Variants in ZNF337 observed in about 807,000 individuals in gnomAD.
ZNF337 encodes the protein zinc finger protein 337.
ZNF337 carries 8 observed loss-of-function variants against 12.1 expected under a neutral mutation model. That is an observed-to-expected ratio of 0.66 (90% CI 0.39 to 1.19). The LOEUF (loss-of-function observed/expected upper bound fraction) is 1.19, where lower values mean the gene tolerates loss of function less well. Ranked by LOEUF, ZNF337 falls within the 50% of genes most tolerant of loss-of-function variation. The pLI, the probability that ZNF337 is intolerant of heterozygous loss-of-function variation, is 0.01. For missense variants in ZNF337, 882 were observed against 896.6 expected (o/e 0.98, Z 0.21); for synonymous variants, 336 against 320.0 (o/e 1.05, Z -0.53).
At chr20:25,687,948 T>C (rs1346247554) in intron 1 of ZNF337, among the ~76,000 whole-genome samples, 2 of 152,224 alleles carry the variant, frequency 1.3e-5, no homozygotes, top group African/African-American at 4.8e-5. Flanking sequence ...TGTCCTCAAC[T>C]GTGGCAAAAT....
At chr20:25,689,365 G>T (rs558421265) in intron 1 of ZNF337, among the ~76,000 whole-genome samples, 24 of 152,112 alleles carry the variant, frequency 1.6e-4, no homozygotes, top group Non-Finnish European at 2.9e-4. Flanking sequence ...TCTATCCTCG[G>T]TTTTTTGGGA....
intron 1 of ZNF337, among the ~76,000 whole-genome samples, chr20:25,688,510 G>A (rs2065854290): frequency 6.6e-6 from 1 of 152,174 alleles, no homozygotes; most frequent in African/African-American, 2.4e-5. Context: ...TGATCTTAGT[G>A]TGAACACACT....
At chr20:25,682,284 G>C (rs1358939652) in intron 4 of ZNF337, among the ~76,000 whole-genome samples, 3 of 152,088 alleles carry the variant, frequency 2.0e-5, no homozygotes, top group Non-Finnish European at 2.9e-5. Context: ...AAATAATCCA[G>C]GAATGGGAGA....
chr20:25,674,621 A>T lies in ZNF337; in HGVS notation c.*411T>A, dbSNP rs1056611976. 1.4e-4 allele frequency: 24 copies of T among 172,568 alleles called. No individual in the cohort carries two copies. Among genetic ancestry groups the T allele is most frequent in the Non-Finnish European group, 2.5e-5 (2 of 80,948 alleles). 10.7% of individuals were successfully genotyped at this position (172,568 alleles called of 1,614,324 possible). The stretch of plus-strand genomic sequence containing the variant: ...GAAGCCAGAGGGAAAGTGCAAGAGG[A>T]GGTTTGGTGGAGGTGTCCTAGATTG... On this transcript the variant is annotated 3_prime_UTR_variant, in exon 5 of 5. Transcript: ENST00000252979.
chr20:25,696,792 TCACCGATGGTGGAC>T lies in ZNF337; in HGVS notation c.-97_-84del. ...CTGAGGGCGAACCGAGGCGGTGAGG[TCACCGATGGTGGAC>T]CACGCATCTCACGGCTCGCTGACGC... On this transcript the variant is annotated 5_prime_UTR_variant, in exon 1 of 5. Coordinates refer to ENST00000252979, the MANE Select transcript of ZNF337 (RefSeq NM_015655.4). 2 of 985,480 alleles carry T rather than the reference TCACCGATGGTGGAC, an allele frequency of 2.0e-6. No homozygotes were observed. The highest frequency in any genetic ancestry group is 2.4e-6 in the Non-Finnish European group (2 of 829,974). 61.0% of individuals were successfully genotyped at this position (985,480 alleles called of 1,614,324 possible). A position where few individuals can be genotyped will look rare whatever the true frequency, so the allele number is the denominator to read the frequency against.
rs750862056 is a variant in ZNF337, at chr20:25,675,964, T to C, written c.1324A>G (p.Ile442Val). The C allele has an allele frequency of 1.5e-5, 24 of 1,613,520 alleles. No individual in the cohort carries two copies. In the Admixed American group the frequency reaches 4.0e-4, roughly 27 times the overall value. ...FVCRECGQGF[I>V]QKSTLVKHQI... The stretch of plus-strand genomic sequence containing the variant: ...TGTTTCACAAGGGTTGACTTCTGAA[T>C]AAATCCTTGCCCACATTCTCTACAA... The change falls in exon 5 of 5, where the codon ATT becomes GTT. Residue 442 changes from isoleucine to valine, a missense_variant. Ile to Val is a conservative substitution (Grantham distance 29, BLOSUM62 3). Transcript: ENST00000252979.
intron 1 of ZNF337, among the ~76,000 whole-genome samples, chr20:25,696,175 C>T (rs1024757547): frequency 2.0e-4 from 30 of 150,770 alleles, no homozygotes; most frequent in African/African-American, 7.3e-4. Context: ...GGAAGATCGT[C>T]CCAAGGCGGG....
At chr20:25,689,134 CAAAA>C (rs35337654) in intron 1 of ZNF337, among the ~76,000 whole-genome samples, 1 of 66,954 alleles carries the variant, frequency 1.5e-5, no homozygotes, top group East Asian at 4.1e-4. Context: ...GACTCCGTCA[CAAAA>C]AAAAAAAAAA....
intron 1 of ZNF337, among the ~76,000 whole-genome samples, chr20:25,695,181 G>A (rs1334790559): frequency 6.6e-6 from 1 of 152,180 alleles, no homozygotes; most frequent in East Asian, 1.9e-4. Flanking sequence ...TGAGGCAGGA[G>A]AACTGCTCAA....
At position 25,676,995 on chromosome 20, in the gene ZNF337, A is replaced by G; in HGVS notation, c.293T>C (p.Leu98Pro). ...TAGTTGCTGTTGCCTCTGATGTGCAAGTCCAAGATTCTTGGGCCGCAGGAC... is the reference window on the plus strand; with the variant it reads ...TAGTTGCTGTTGCCTCTGATGTGCAGGTCCAAGATTCTTGGGCCGCAGGAC... ...EHVLRPKNLG[L>P]AHQRQQQLQF... The change falls in exon 5 of 5, where the codon CTT becomes CCT. Residue 98 changes from leucine (L) to proline (P), a missense_variant. Physicochemically the swap from Leu to Pro is moderately conservative, Grantham distance 98. Coordinates refer to ENST00000252979, the MANE Select transcript of ZNF337 (RefSeq NM_015655.4). The G allele has an allele frequency of 6.2e-7, 1 of 1,613,726 alleles. No individual in the cohort carries two copies. Among genetic ancestry groups the G allele is most frequent in the Non-Finnish European group, 8.5e-7 (1 of 1,179,886 alleles).
In ZNF337 at chr20:25,686,037, C is replaced by T; in HGVS notation, c.113G>A (p.Arg38Lys). Residue 38 changes from arginine (R) to lysine (K), a missense_variant, in exon 3 of 5, where the codon AGG becomes AAG. Coordinates refer to ENST00000252979, the MANE Select transcript of ZNF337 (RefSeq NM_015655.4). The stretch of plus-strand genomic sequence containing the variant: ...GCTGTAGTTCTCCAGTGTCACCTCC[C>T]TGTACAGGGCCCTCTGAGCAGGGCT... ...LLSPAQRALYREVTLENYSHL... is the reference protein window; with the variant it reads ...LLSPAQRALYKEVTLENYSHL... 3 of 1,613,862 alleles carry T rather than the reference C, an allele frequency of 1.9e-6. No homozygotes were observed. Among genetic ancestry groups the T allele is most frequent in the Non-Finnish European group, 2.5e-6 (3 of 1,179,920 alleles).
intron 3 of ZNF337, 95 bp from the exon 4 acceptor site, chr20:25,685,757 CAG>C (rs990022445): frequency 7.9e-7 from 1 of 1,262,520 alleles, no homozygotes. Flanking sequence ...GAGGGAGAAT[CAG>C]AGGGGGAAGG....
intron 4 of ZNF337, among the ~76,000 whole-genome samples, chr20:25,684,378 T>G (rs989024876): frequency 1.3e-5 from 2 of 151,458 alleles, no homozygotes; most frequent in Non-Finnish European, 2.9e-5. Context: ...ATAAAAAATA[T>G]TAAAAAAAAT....
chr20:25,676,248 GGCTTCTCTCCT>G lies in ZNF337; in HGVS notation c.1029_1039del (p.Gly344LeufsTer11), dbSNP rs1363021365. On this transcript the variant is annotated frameshift_variant, in exon 5 of 5. Transcript: ENST00000252979. LOFTEE classifies it low-confidence loss of function (END_TRUNC). ...TCGGCCACACTCCTGGCATCTGTAA[GGCTTCTCTCCT>G]GAGTGTATTCTCTTGTGCACAACGA... 26 of 1,613,790 alleles carry G rather than the reference GGCTTCTCTCCT, an allele frequency of 1.6e-5. No homozygotes were observed. The highest frequency in any genetic ancestry group is 2.1e-5 in the Non-Finnish European group (25 of 1,179,984).
At chr20:25,696,366 C>G (rs1363198357) in intron 1 of ZNF337, among the ~76,000 whole-genome samples, 3 of 152,154 alleles carry the variant, frequency 2.0e-5, no homozygotes, top group Non-Finnish European at 4.4e-5. Context: ...TGGCCGAGTC[C>G]CCCTCCACCT....
rs541911442 is a variant in ZNF337, at chr20:25,677,030, A to G, written c.258T>C (p.Tyr86=). ...RRRPGPCAGI[Y]AEHVLRPKNL... ...TCTTGGGCCGCAGGACATGTTCTGCATATATTCCTGGAGAATAGACCAACA... is the reference window on the plus strand; with the variant it reads ...TCTTGGGCCGCAGGACATGTTCTGCGTATATTCCTGGAGAATAGACCAACA... The change falls in exon 5 of 5, where the codon TAT becomes TAC. Residue 86 remains tyrosine, a synonymous_variant. Transcript: ENST00000252979. 1 of 1,602,624 alleles carries G rather than the reference A, an allele frequency of 6.2e-7. No individual in the cohort carries two copies. Among genetic ancestry groups the G allele is most frequent in the East Asian group, 2.2e-5 (1 of 44,792 alleles).
At position 25,675,111 on chromosome 20, in the gene ZNF337, G is replaced by A. The variant is rs748772175; in HGVS notation, c.2177C>T (p.Ser726Leu). Residue 726 changes from serine to leucine, a missense_variant, in exon 5 of 5, where the codon TCA becomes TTA. Ser to Leu is a moderately radical substitution (Grantham distance 145). Coordinates refer to ENST00000252979, the MANE Select transcript of ZNF337 (RefSeq NM_015655.4). ...TCTCTTTAAGTGCTTACTGTAGTATGACTTATTGCTAAACTTTCGTCCACA... is the reference window on the plus strand; with the variant it reads ...TCTCTTTAAGTGCTTACTGTAGTATAACTTATTGCTAAACTTTCGTCCACA... ...QECGRKFSNK[S>L]YYSKHLKRHL... The A allele has an allele frequency of 3.1e-6, 5 of 1,613,906 alleles. No homozygotes were observed. The Admixed American group carries it at 8.3e-5, about 27-fold the overall frequency.
intron 4 of ZNF337, among the ~76,000 whole-genome samples, chr20:25,681,597 G>T (rs2065768736): frequency 6.6e-6 from 1 of 152,114 alleles, no homozygotes; most frequent in South Asian, 2.1e-4. Flanking sequence ...TGAAATTAAG[G>T]CATATTGAAC....
chr20:25,676,557 C>G lies in ZNF337; in HGVS notation c.731G>C (p.Gly244Ala). ...KSYVCSVCGR[G>A]FSLKANLLRH... ...GAGGAGGTTGGCCTTGAGGCTGAAGCCTCGCCCACACACACTGCACACATA... is the reference window on the plus strand; with the variant it reads ...GAGGAGGTTGGCCTTGAGGCTGAAGGCTCGCCCACACACACTGCACACATA... The change falls in exon 5 of 5, where the codon GGC becomes GCC. Residue 244 changes from glycine (G) to alanine (A), a missense_variant. Transcript: ENST00000252979. The G allele has an allele frequency of 1.2e-6, 2 of 1,614,198 alleles. No homozygotes were observed. The highest frequency in any genetic ancestry group is 1.7e-6 in the Non-Finnish European group (2 of 1,180,024).
Sources: allele counts gnomAD v4.1 joint callset (sites outside exome capture counted in the v4.1 genomes callset), GRCh38; gene constraint gnomAD v4.1.1; transcripts MANE v1.5; gene names NCBI Gene and HGNC (gene_info 2026-07-23, HGNC 2026-07-21).